The following SOX5 variants were observed in gnomAD, a reference collection of about 807,000 sequenced individuals.
The protein encoded by SOX5 is SRY-box transcription factor 5, also known as transcription factor SOX-5.
SOX5 carries 9 observed loss-of-function variants against 92.0 expected under a neutral mutation model. That is an observed-to-expected ratio of 0.10 (90% CI 0.06 to 0.17). The LOEUF (loss-of-function observed/expected upper bound fraction) is 0.17. Ranked by LOEUF, SOX5 falls within the 10% of genes least tolerant of loss-of-function variation. The probability of loss-of-function intolerance (pLI) is 1.00; values close to 1 mark genes in which losing one functional copy is unlikely to be tolerated. For synonymous variants in SOX5, 344 were observed against 336.3 expected (o/e 1.02, Z -0.25); for missense variants, 642 against 944.5 (o/e 0.68, Z 4.20).
chr12:24,499,399 G>C (rs1296419985), intron 1 of SOX5, among the ~76,000 whole-genome samples: 1 of 152,254 alleles, frequency 6.6e-6, no homozygotes, highest in Non-Finnish European at 1.5e-5. Flanking sequence ...CTTTGAAAAA[G>C]ATGTGGCAAT....
intron 3 of SOX5, among the ~76,000 whole-genome samples, chr12:24,257,945 C>T (rs1188565481): frequency 1.3e-5 from 2 of 151,942 alleles, no homozygotes; most frequent in African/African-American, 4.8e-5. Context: ...GAGGCCGAGG[C>T]AAGTGGATCA....
chr12:24,208,064 G>C (rs1053433422), intron 4 of SOX5, among the ~76,000 whole-genome samples: 1 of 152,040 alleles, frequency 6.6e-6, no homozygotes, highest in African/African-American at 2.4e-5. Flanking sequence ...AGTTGAAATT[G>C]ATCCCTTAGC....
intron 3 of SOX5, among the ~76,000 whole-genome samples, chr12:23,808,401 A>G (rs2095818664): frequency 6.6e-6 from 1 of 152,158 alleles, no homozygotes; most frequent in African/African-American, 2.4e-5. Flanking sequence ...ACTAAAAACA[A>G]AATCCACTGG....
At chr12:24,216,707 C>T (rs1959185856) in intron 3 of SOX5, among the ~76,000 whole-genome samples, 1 of 152,086 alleles carries the variant, frequency 6.6e-6, no homozygotes, top group Non-Finnish European at 1.5e-5. Flanking sequence ...GGGCGGATAC[C>T]TTGAGGTTCA....
At chr12:24,259,009 T>C (rs919575528) in intron 3 of SOX5, among the ~76,000 whole-genome samples, 1 of 152,218 alleles carries the variant, frequency 6.6e-6, no homozygotes, top group African/African-American at 2.4e-5. Context: ...ACACTATCTT[T>C]TCAGGTTTCC....
chr12:24,353,598 G>T (rs1244693976), intron 2 of SOX5, among the ~76,000 whole-genome samples: 2 of 152,030 alleles, frequency 1.3e-5, no homozygotes, highest in Non-Finnish European at 2.9e-5. Flanking sequence ...GTATGTGTTG[G>T]GGGTGGGGGT....
chr12:24,464,658 T>C (rs1944029681), intron 1 of SOX5, among the ~76,000 whole-genome samples: 1 of 152,174 alleles, frequency 6.6e-6, no homozygotes, highest in Admixed American at 6.5e-5. Flanking sequence ...TTAATGTTTT[T>C]TGAGAAGTTA....
chr12:23,681,432 G>A (rs1185177918), intron 6 of SOX5, among the ~76,000 whole-genome samples: 1 of 151,806 alleles, frequency 6.6e-6, no homozygotes, highest in Non-Finnish European at 1.5e-5. Context: ...AGTGGAGTAA[G>A]CTCATCAGTT....
At chr12:23,790,546 T>TCACACACACA (rs1235681024) in intron 3 of SOX5, among the ~76,000 whole-genome samples, 2 of 76,054 alleles carry the variant, frequency 2.6e-5, no homozygotes, top group South Asian at 4.0e-4. Flanking sequence ...TCTCTCAATC[T>TCACACACACA]CTCACACACA....
At chr12:24,099,332 T>C (rs1430316271) in intron 4 of SOX5, among the ~76,000 whole-genome samples, 1 of 152,100 alleles carries the variant, frequency 6.6e-6, no homozygotes, top group Non-Finnish European at 1.5e-5. Flanking sequence ...AAGATTATTA[T>C]TGGGATCAAC....
intron 2 of SOX5, among the ~76,000 whole-genome samples, chr12:24,345,375 G>T (rs1953107032): frequency 6.6e-6 from 1 of 152,122 alleles, no homozygotes; most frequent in African/African-American, 2.4e-5. Context: ...GCCAGCTCAA[G>T]TTCTTGGTCC....
At chr12:24,455,172 C>G (rs1272134689) in intron 1 of SOX5, among the ~76,000 whole-genome samples, 2 of 152,158 alleles carry the variant, frequency 1.3e-5, no homozygotes, top group African/African-American at 4.8e-5. Context: ...GGTCGCAGCC[C>G]ACAGGGTTAA....
chr12:24,104,929 G>C (rs1946507186), intron 4 of SOX5, among the ~76,000 whole-genome samples: 1 of 152,160 alleles, frequency 6.6e-6, no homozygotes, highest in Non-Finnish European at 1.5e-5. Context: ...ATATAGTCCT[G>C]TCAGGTTTGA....
At chr12:23,590,318 T>C (rs1592340338) in intron 9 of SOX5, among the ~76,000 whole-genome samples, 1 of 152,014 alleles carries the variant, frequency 6.6e-6, no homozygotes, top group African/African-American at 2.4e-5. Flanking sequence ...GACTTCATTT[T>C]TTACACACTT....
At chr12:23,688,489 A>G (rs1168086580) in intron 6 of SOX5, among the ~76,000 whole-genome samples, 1 of 152,100 alleles carries the variant, frequency 6.6e-6, no homozygotes, top group Non-Finnish European at 1.5e-5. Context: ...CTGCATAGCA[A>G]TAATAAAAAT....
chr12:24,056,974 C>CAAAAAAA (rs60085412), intron 4 of SOX5, among the ~76,000 whole-genome samples: 455 of 36,860 alleles, frequency 0.012, 27 homozygotes, highest in African/African-American at 0.039. Context: ...GACTCCGTCT[C>CAAAAAAA]AAAAAAAAAA....
At chr12:23,770,048 G>GTTTTT (rs71059922) in intron 3 of SOX5, among the ~76,000 whole-genome samples, 8 of 106,494 alleles carry the variant, frequency 7.5e-5, no homozygotes, top group South Asian at 3.4e-4. Flanking sequence ...TGCTCCCTCT[G>GTTTTT]TTTTTTTTTT....
chr12:24,272,603 C>A (rs956891069), intron 3 of SOX5, among the ~76,000 whole-genome samples: 2 of 152,064 alleles, frequency 1.3e-5, no homozygotes, highest in Non-Finnish European at 2.9e-5. Flanking sequence ...TAAATGCCTT[C>A]CCTGCATTTA....
intron 4 of SOX5, among the ~76,000 whole-genome samples, chr12:24,083,169 T>A (rs1943571094): frequency 6.6e-6 from 1 of 152,032 alleles, no homozygotes; most frequent in Non-Finnish European, 1.5e-5. Flanking sequence ...TGTATTCAAT[T>A]TGTTATACAA....
Sources: allele counts gnomAD v4.1 joint callset (sites outside exome capture counted in the v4.1 genomes callset), GRCh38; gene constraint gnomAD v4.1.1; transcripts MANE v1.5; gene names NCBI Gene and HGNC (gene_info 2026-07-23, HGNC 2026-07-21).